TCF12: variants seen among roughly 807,000 people sequenced by gnomAD.
The protein encoded by TCF12 is transcription factor 12.
TCF12 carries 45 observed loss-of-function variants against 86.0 expected under a neutral mutation model. The observed-to-expected ratio is 0.52, with a 90% CI of 0.41 to 0.67. The LOEUF (loss-of-function observed/expected upper bound fraction) is 0.67. TCF12 is among the 30% of genes least tolerant of loss of function. The probability of loss-of-function intolerance (pLI) is 0.00; values close to 1 mark genes in which losing one functional copy is unlikely to be tolerated. For synonymous variants in TCF12, 330 were observed against 299.6 expected (o/e 1.10, Z -1.05); for missense variants, 881 against 859.9 (o/e 1.02, Z -0.31).
At chr15:57,192,323 C>T in intron 7 of TCF12, 30 bp downstream of exon 7, 2 of 1,607,416 alleles carry the variant, frequency 1.2e-6, no homozygotes, top group Non-Finnish European at 1.7e-6. Flanking sequence ...AATCCCATCC[C>T]ACATATGTTG....
chr15:56,967,796 C>A (rs114674810), intron 3 of TCF12, among the ~76,000 whole-genome samples: 1 of 151,964 alleles, frequency 6.6e-6, no homozygotes, highest in Non-Finnish European at 1.5e-5. Flanking sequence ...GCCATTGGAA[C>A]CTTTCTTATC....
chr15:57,233,828 A>T (rs545945352), intron 11 of TCF12, among the ~76,000 whole-genome samples: 28 of 152,338 alleles, frequency 1.8e-4, no homozygotes, highest in African/African-American at 6.7e-4. Context: ...AGTGAAAGAC[A>T]GGAAGACAAG....
intron 16 of TCF12, among the ~76,000 whole-genome samples, chr15:57,257,330 A>C (rs1157712866): frequency 1.3e-5 from 2 of 152,208 alleles, no homozygotes; most frequent in African/African-American, 4.8e-5. Context: ...GCCAGGATCC[A>C]CTGGTAGTGG....
intron 7 of TCF12, among the ~76,000 whole-genome samples, chr15:57,194,647 C>G (rs571355921): frequency 6.6e-6 from 1 of 152,162 alleles, no homozygotes; most frequent in Non-Finnish European, 1.5e-5. Flanking sequence ...AATTTATAAT[C>G]ATTTTTCCCC....
chr15:57,225,458 G>A (rs2058831967), intron 8 of TCF12, among the ~76,000 whole-genome samples: 1 of 151,732 alleles, frequency 6.6e-6, no homozygotes, highest in Admixed American at 6.6e-5. Context: ...TGTTATCCAG[G>A]ATGGTCTCGA....
At chr15:57,222,662 C>A (rs1220830831) in intron 8 of TCF12, among the ~76,000 whole-genome samples, 3 of 146,714 alleles carry the variant, frequency 2.0e-5, no homozygotes. Context: ...TCAGTTTTCT[C>A]ATTAATTTGA....
At chr15:57,080,491 G>C (rs1312505066) in intron 4 of TCF12, among the ~76,000 whole-genome samples, 1 of 152,124 alleles carries the variant, frequency 6.6e-6, no homozygotes, top group Non-Finnish European at 1.5e-5. Context: ...GGGGATAATA[G>C]GTCTGTCTCT....
intron 19 of TCF12, among the ~76,000 whole-genome samples, chr15:57,275,420 C>T (rs1410751688): frequency 1.0e-4 from 2 of 19,994 alleles, no homozygotes; most frequent in Non-Finnish European, 1.8e-4. Flanking sequence ...ATCCTGGCCT[C>T]AAGCGTCTAT....
chr15:57,178,530 G>T (rs183254046), intron 6 of TCF12, among the ~76,000 whole-genome samples: 133 of 152,264 alleles, frequency 8.7e-4, no homozygotes, highest in African/African-American at 2.9e-3. Flanking sequence ...GAAAATAGTA[G>T]TGCTACTTAA....
At chr15:57,225,124 C>T (rs928408454) in intron 8 of TCF12, among the ~76,000 whole-genome samples, 4 of 146,662 alleles carry the variant, frequency 2.7e-5, no homozygotes, top group African/African-American at 7.7e-5. Context: ...TTTGGGATTA[C>T]GTTGTTTAAA....
intron 3 of TCF12, among the ~76,000 whole-genome samples, chr15:56,932,179 T>C (rs1035131677): frequency 2.6e-5 from 4 of 152,326 alleles, no homozygotes; most frequent in East Asian, 1.9e-4. Flanking sequence ...AGGAATCTTA[T>C]TGTTTTAAAA....
intron 7 of TCF12, among the ~76,000 whole-genome samples, chr15:57,197,003 T>C (rs1485978618): frequency 1.3e-5 from 2 of 152,154 alleles, no homozygotes; most frequent in East Asian, 3.8e-4. Context: ...TTTTAAAATA[T>C]GCTTTTAAGC....
intron 5 of TCF12, among the ~76,000 whole-genome samples, chr15:57,157,741 T>C (rs1264818777): frequency 6.6e-6 from 1 of 151,942 alleles, no homozygotes; most frequent in Non-Finnish European, 1.5e-5. Flanking sequence ...TTTTGTATTT[T>C]TAGTAGAGAT....
chr15:57,137,595 A>G (rs2052643954), intron 5 of TCF12, among the ~76,000 whole-genome samples: 1 of 152,180 alleles, frequency 6.6e-6, no homozygotes, highest in African/African-American at 2.4e-5. Context: ...TTGTGGTGGC[A>G]TTGCTTCCAT....
At chr15:57,244,885 T>C (rs1484848131) in intron 13 of TCF12, among the ~76,000 whole-genome samples, 1 of 152,148 alleles carries the variant, frequency 6.6e-6, no homozygotes, top group Non-Finnish European at 1.5e-5. Flanking sequence ...TTTTTATTTC[T>C]TAGGAATAAA....
chr15:56,964,681 G>C (rs1291584526), intron 3 of TCF12, among the ~76,000 whole-genome samples: 1 of 152,066 alleles, frequency 6.6e-6, no homozygotes, highest in East Asian at 1.9e-4. Context: ...ACACATTTTT[G>C]TTTATGTGTT....
At chr15:57,246,186 CAGTT>C (rs2059850487) in intron 13 of TCF12, among the ~76,000 whole-genome samples, 1 of 152,116 alleles carries the variant, frequency 6.6e-6, no homozygotes, top group Non-Finnish European at 1.5e-5. Flanking sequence ...TTTTGAGCAT[CAGTT>C]AGACTTAGCA....
intron 4 of TCF12, among the ~76,000 whole-genome samples, chr15:57,075,031 C>CCTT (rs10626421): frequency 0.82 from 124,379 of 151,922 alleles, 51,431 homozygotes; most frequent in African/African-American, 0.94. Flanking sequence ...GATGCTTTAA[C>CCTT]CTTCTTATAA....
At chr15:57,162,855 A>G (rs1441049575) in intron 5 of TCF12, among the ~76,000 whole-genome samples, 1 of 151,950 alleles carries the variant, frequency 6.6e-6, no homozygotes, top group African/African-American at 2.4e-5. Flanking sequence ...AGTTCTTACT[A>G]GGACATTTGA....
Sources: gnomAD v4.1 joint callset for allele counts (sites outside exome capture counted in the v4.1 genomes callset) on GRCh38, gnomAD v4.1.1 for gene constraint, MANE v1.5 for transcripts, NCBI Gene and HGNC (gene_info 2026-07-23, HGNC 2026-07-21) for gene names.